The following CFDP1 variants were observed in gnomAD, a reference collection of about 807,000 sequenced individuals.
CFDP1 encodes heterochromatin-stabilizing protein CFDP1.
CFDP1 carries 31 observed loss-of-function variants against 40.1 expected under a neutral mutation model. The observed-to-expected ratio is 0.77, with a 90% CI of 0.58 to 1.04. CFDP1 has a LOEUF of 1.04. CFDP1 is among the 50% of genes least tolerant of loss of function. The pLI is 0.00. For synonymous variants in CFDP1, 167 were observed against 120.0 expected (o/e 1.39, Z -2.56); for missense variants, 423 against 343.4 (o/e 1.23, Z -1.83).
At chr16:75,406,372 G>A (rs1466050284) in intron 4 of CFDP1, among the ~76,000 whole-genome samples, 3 of 151,456 alleles carry the variant, frequency 2.0e-5, no homozygotes, top group African/African-American at 4.9e-5. Flanking sequence ...GTGAGACCCT[G>A]TCTCAAAAAA....
intron 5 of CFDP1, among the ~76,000 whole-genome samples, chr16:75,354,604 GGTAAAA>G (rs1377983599): frequency 2.0e-5 from 3 of 152,168 alleles, no homozygotes; most frequent in Non-Finnish European, 2.9e-5. Context: ...CAAGATGTTG[GGTAAAA>G]GTACATGGCA....
chr16:75,395,342 A>G lies in CFDP1; in HGVS notation c.531-133T>C, dbSNP rs1036868645. The G allele has an allele frequency of 3.3e-5, 31 of 944,902 alleles. No homozygotes were observed. The South Asian group carries it at 5.1e-4, about 16-fold the overall frequency. The allele number at this position is 944,902 out of a possible 1,614,324, so 58.5% of individuals were successfully genotyped here. A position where few individuals can be genotyped will look rare whatever the true frequency, so the allele number is the denominator to read the frequency against. ...AATTCTGGACGCTCAGCATTATGAT[A>G]AAAGTTTACTATAACTTTCAATAAA... On this transcript the variant is annotated intron_variant, in intron 4 of 6. Transcript: ENST00000283882.
chr16:75,433,246 G>A, intron 1 of CFDP1, 43 bp downstream of exon 1: 1 of 1,552,458 alleles, frequency 6.4e-7, no homozygotes, highest in Non-Finnish European at 8.7e-7. Flanking sequence ...CGTGAGGCGT[G>A]GGGCGGGGCA....
intron 6 of CFDP1, among the ~76,000 whole-genome samples, chr16:75,297,166 C>CTGTGTGTG (rs71158597): frequency 7.0e-5 from 10 of 143,460 alleles, no homozygotes; most frequent in African/African-American, 2.3e-4. Context: ...GTGTGTGTGT[C>CTGTGTGTG]TGTGTGTGTG....
chr16:75,299,414 C>T (rs1460726088), intron 6 of CFDP1, among the ~76,000 whole-genome samples: 1 of 135,150 alleles, frequency 7.4e-6, no homozygotes, highest in Non-Finnish European at 1.6e-5. Context: ...GGTGAAACCC[C>T]ATCTCTACTT....
chr16:75,367,558 C>A (rs1192693076), intron 5 of CFDP1, among the ~76,000 whole-genome samples: 1 of 151,602 alleles, frequency 6.6e-6, no homozygotes, highest in Non-Finnish European at 1.5e-5. Context: ...TGTGGGAGGT[C>A]GAGGTGGGCA....
At chr16:75,321,777 A>G (rs777615167) in intron 5 of CFDP1, 6 of 152,244 alleles carry the variant, frequency 3.9e-5, no homozygotes, top group Non-Finnish European at 8.8e-5. Flanking sequence ...CTCAGTTGGT[A>G]TCTATCACAG....
At chr16:75,311,867 G>A (rs1272776414) in intron 5 of CFDP1, among the ~76,000 whole-genome samples, 1 of 150,178 alleles carries the variant, frequency 6.7e-6, no homozygotes. Flanking sequence ...AGCTTCCTAA[G>A]TAGCCGGGAC....
chr16:75,383,750 T>C (rs1820203), intron 5 of CFDP1, among the ~76,000 whole-genome samples: 4,703 of 142,414 alleles, frequency 0.033, 227 homozygotes, highest in African/African-American at 0.11. Flanking sequence ...ACCTGGGAGG[T>C]GGAGGTTGCA....
chr16:75,320,913 A>C (rs912087063), intron 5 of CFDP1, among the ~76,000 whole-genome samples: 4 of 152,180 alleles, frequency 2.6e-5, no homozygotes, highest in Non-Finnish European at 4.4e-5. Context: ...TAAGCTACTA[A>C]ATGTACTTGT....
At chr16:75,372,694 T>G (rs1348217156) in intron 5 of CFDP1, 1 of 152,248 alleles carries the variant, frequency 6.6e-6, no homozygotes, top group African/African-American at 2.4e-5. Context: ...TCCCAGGTTT[T>G]GTTTCATGAG....
chr16:75,431,932 G>T (rs1225959841), intron 1 of CFDP1, among the ~76,000 whole-genome samples: 9 of 128,362 alleles, frequency 7.0e-5, no homozygotes, highest in Non-Finnish European at 1.2e-4. Flanking sequence ...TTTTTTTTGA[G>T]ACGGAGTCTC....
chr16:75,322,732 G>A (rs2078373648), intron 5 of CFDP1, among the ~76,000 whole-genome samples: 1 of 151,812 alleles, frequency 6.6e-6, no homozygotes, highest in Admixed American at 6.6e-5. Flanking sequence ...CAGATTTGGG[G>A]TGCTCAACCA....
chr16:75,375,144 A>G (rs2078782781), intron 5 of CFDP1, among the ~76,000 whole-genome samples: 2 of 152,214 alleles, frequency 1.3e-5, no homozygotes, highest in Non-Finnish European at 2.9e-5. Flanking sequence ...CATTAAAAAA[A>G]GGCAAAATCT....
intron 4 of CFDP1, among the ~76,000 whole-genome samples, chr16:75,402,616 C>T (rs2079065086): frequency 6.6e-6 from 1 of 152,162 alleles, no homozygotes; most frequent in African/African-American, 2.4e-5. Context: ...CTGTCATCAC[C>T]AGCTCTTCTC....
At position 75,377,809 on chromosome 16, in the gene CFDP1, G is replaced by A. The variant is rs527938515; in HGVS notation, c.650+17281C>T. Among the ~76,000 whole-genome samples the A allele has an allele frequency of 2.0e-5, 3 of 152,290 alleles. No homozygotes were observed. The East Asian group carries it at 5.8e-4, about 29-fold the overall frequency. On this transcript the variant is annotated intron_variant, in intron 5 of 6. Transcript: ENST00000283882. ...GAAAATCATCCAAAGCAACAAACAT[G>A]CAGTTGCCCCAAACTGCTTTAGCAA... is the stretch of plus-strand genomic sequence containing the variant.
intron 6 of CFDP1, among the ~76,000 whole-genome samples, chr16:75,299,809 TAGTA>T (rs1597316418): frequency 6.6e-6 from 1 of 151,996 alleles, no homozygotes; most frequent in Admixed American, 6.5e-5. Flanking sequence ...CATCAGATGA[TAGTA>T]AGTGTCACGG....
In CFDP1 at chr16:75,293,961, C is replaced by G. The variant is rs747932965; in HGVS notation, c.891G>C (p.Met297Ile). Residue 297 changes from methionine (M) to isoleucine (I), a missense_variant, in exon 7 of 7, where the codon ATG becomes ATC. By Grantham distance (10) the Met-to-Ile change is conservative. Transcript: ENST00000283882. ...GATTTAGCCCGTAACATCAAGGTTT[C>G]ATTTTGCTCAGCCTGAGATCTCGCT... ...EIERDLRLSK[M>I]KP 6.2e-7 allele frequency: 1 copy of G among 1,614,002 alleles called. No homozygotes were observed. Among genetic ancestry groups the G allele is most frequent in the Non-Finnish European group, 8.5e-7 (1 of 1,179,932 alleles).
intron 5 of CFDP1, among the ~76,000 whole-genome samples, chr16:75,345,204 C>A (rs2078553847): frequency 6.6e-6 from 1 of 152,078 alleles, no homozygotes; most frequent in African/African-American, 2.4e-5. Flanking sequence ...CACCTATAAT[C>A]CCAGCACTTT....
Sources: gnomAD v4.1 joint callset for allele counts (sites outside exome capture counted in the v4.1 genomes callset) on GRCh38, gnomAD v4.1.1 for gene constraint, MANE v1.5 for transcripts, NCBI Gene and HGNC (gene_info 2026-07-23, HGNC 2026-07-21) for gene names.